PDE1C: variants seen among roughly 807,000 people sequenced by gnomAD.
PDE1C encodes dual specificity calcium/calmodulin-dependent 3',5'-cyclic nucleotide phosphodiesterase 1C.
In PDE1C, 62 loss-of-function variants were observed where a neutral mutation model predicts 93.1. That is an observed-to-expected ratio of 0.67 (90% CI 0.54 to 0.82). The LOEUF (loss-of-function observed/expected upper bound fraction) is 0.82. PDE1C is among the 40% of genes least tolerant of loss of function. The pLI is 0.00. For missense variants in PDE1C, 742 were observed against 884.6 expected (o/e 0.84, Z 2.04); for synonymous variants, 325 against 310.1 (o/e 1.05, Z -0.50).
At chr7:31,679,981 G>A in the PDE1C span, among the ~76,000 whole-genome samples, 15 of 152,318 alleles carry the variant, frequency 9.8e-5, no homozygotes, top group East Asian at 2.5e-3. Flanking sequence ...TTCTCTGCCG[G>A]CCTGTTCATT....
chr7:31,778,880 G>A (rs537442136), intron 16 of PDE1C, among the ~76,000 whole-genome samples: 5 of 152,124 alleles, frequency 3.3e-5, no homozygotes, highest in Non-Finnish European at 7.3e-5. Flanking sequence ...TGAGTGTTGT[G>A]GGAGGAGGGA....
intron 3 of PDE1C, among the ~76,000 whole-genome samples, chr7:32,086,062 T>C (rs1198272180): frequency 6.6e-6 from 1 of 151,520 alleles, no homozygotes; most frequent in African/African-American, 2.4e-5. Flanking sequence ...GGAAGTCAAA[T>C]TGTCCCTGTT....
At chr7:32,082,778 C>T (rs1172863087) in intron 3 of PDE1C, among the ~76,000 whole-genome samples, 1 of 152,206 alleles carries the variant, frequency 6.6e-6, no homozygotes. Flanking sequence ...TCCAGCAGAC[C>T]TGCAGCTGAG....
chr7:32,347,629 T>C (rs1471393894), intron 1 of PDE1C, among the ~76,000 whole-genome samples: 1 of 152,232 alleles, frequency 6.6e-6, no homozygotes, highest in African/African-American at 2.4e-5. Context: ...GGGATTCTTC[T>C]TGCTGGCTTG....
Position 31,794,041 on chromosome 7 carries a change from T to TAGACAGAC in PDE1C, c.1891+14982_1891+14989dup, listed in dbSNP as rs71559203. Among the ~76,000 whole-genome samples the TAGACAGAC allele has an allele frequency of 8.8e-3, 784 of 89,480 alleles. 13 individuals are homozygous for TAGACAGAC. The highest frequency in any genetic ancestry group is 0.023 in the East Asian group (63 of 2,774). 58.7% of individuals were successfully genotyped at this position (89,480 alleles called of 152,430 possible). Reference sequence around the variant, plus strand: ...ATAGATAGATAGATAGATAGATAGATAGACAGACAGACAGACAGACAGACA... The same window carrying TAGACAGAC: ...ATAGATAGATAGATAGATAGATAGATAGACAGACAGACAGACAGACAGACAGACAGACA... On this transcript the variant is annotated intron_variant, in intron 16 of 17. Coordinates refer to ENST00000396191, the MANE Select transcript of PDE1C (RefSeq NM_001191057.4).
chr7:31,841,496 T>G (rs1336215651), intron 9 of PDE1C, among the ~76,000 whole-genome samples: 5 of 152,084 alleles, frequency 3.3e-5, no homozygotes, highest in African/African-American at 1.2e-4. Flanking sequence ...TGATGTTAGT[T>G]ATAGGTTTTT....
chr7:32,317,444 T>A (rs1783198300), intron 1 of PDE1C, among the ~76,000 whole-genome samples: 1 of 152,108 alleles, frequency 6.6e-6, no homozygotes, highest in Non-Finnish European at 1.5e-5. Context: ...CCTCTCTTTG[T>A]CTACTGAGAG....
At chr7:32,113,135 T>G (rs1798768707) in intron 3 of PDE1C, among the ~76,000 whole-genome samples, 1 of 148,140 alleles carries the variant, frequency 6.8e-6, no homozygotes, top group South Asian at 2.1e-4. Flanking sequence ...GAGAAATGGG[T>G]TGACTAAGAT....
intron 2 of PDE1C, among the ~76,000 whole-genome samples, chr7:32,008,935 C>CA (rs66904262): frequency 0.97 from 147,367 of 151,588 alleles, 71,660 homozygotes; most frequent in African/African-American, 0.99. Context: ...TATCATAAGA[C>CA]AAAAAAAAGG....
chr7:31,824,840 C>T (rs981798279), intron 13 of PDE1C, 27 bp downstream of exon 13: 2 of 1,610,622 alleles, frequency 1.2e-6, no homozygotes, highest in Admixed American at 1.7e-5. Context: ...CCAACCTCAC[C>T]CTCAGCCCTC....
At chr7:31,999,079 C>A (rs1785131384) in intron 2 of PDE1C, among the ~76,000 whole-genome samples, 1 of 152,168 alleles carries the variant, frequency 6.6e-6, no homozygotes, top group African/African-American at 2.4e-5. Flanking sequence ...CCTTACTCAT[C>A]TTCCTGAAGA....
intron 2 of PDE1C, among the ~76,000 whole-genome samples, chr7:32,047,032 G>GGT (rs60646988): frequency 0.4 from 59,064 of 148,544 alleles, 11,906 homozygotes; most frequent in South Asian, 0.57. Context: ...CTGAAATAGG[G>GGT]GTGTGTGTGT....
the PDE1C span, among the ~76,000 whole-genome samples, chr7:31,739,331 A>G: frequency 3.3e-5 from 5 of 152,124 alleles, no homozygotes; most frequent in Non-Finnish European, 5.9e-5. Flanking sequence ...AGGAAAATTT[A>G]TAGAAAGGGT....
At chr7:31,836,401 C>A (rs931426925) in intron 11 of PDE1C, among the ~76,000 whole-genome samples, 1 of 152,070 alleles carries the variant, frequency 6.6e-6, no homozygotes, top group Non-Finnish European at 1.5e-5. Context: ...GCAGTGCGAT[C>A]TCGGCTAACT....
chr7:32,096,980 A>G (rs1433986641), intron 3 of PDE1C, among the ~76,000 whole-genome samples: 2 of 152,236 alleles, frequency 1.3e-5, no homozygotes, highest in Admixed American at 6.5e-5. Context: ...TGGAGAACCA[A>G]TGGTGATGGT....
chr7:31,983,305 T>A (rs200235669), intron 2 of PDE1C, among the ~76,000 whole-genome samples: 2 of 152,300 alleles, frequency 1.3e-5, no homozygotes, highest in East Asian at 3.9e-4. Flanking sequence ...AGTAGAGTCT[T>A]ATGAAAGCTT....
intron 1 of PDE1C, among the ~76,000 whole-genome samples, chr7:32,237,744 A>G (rs868712402): frequency 3.5e-5 from 3 of 86,924 alleles, no homozygotes; most frequent in Non-Finnish European, 2.4e-5. Flanking sequence ...GGCTCTGTGT[A>G]TATATATATA....
At chr7:32,147,324 GAA>G (rs1192408594) in intron 3 of PDE1C, among the ~76,000 whole-genome samples, 8 of 146,264 alleles carry the variant, frequency 5.5e-5, no homozygotes, top group African/African-American at 1.8e-4. Flanking sequence ...AAGAAAGAAA[GAA>G]AGAAAGACGC....
At chr7:31,620,256 T>C in the PDE1C span, among the ~76,000 whole-genome samples, 18 of 152,198 alleles carry the variant, frequency 1.2e-4, no homozygotes, top group African/African-American at 4.3e-4. Context: ...AAGAGAGCAG[T>C]GGTTCTCCCA....
Sources: allele counts gnomAD v4.1 joint callset (sites outside exome capture counted in the v4.1 genomes callset), GRCh38; gene constraint gnomAD v4.1.1; transcripts MANE v1.5; gene names NCBI Gene and HGNC (gene_info 2026-07-23, HGNC 2026-07-21).